Variants in NLRP3 observed in about 807,000 individuals in gnomAD.
NLRP3 encodes NACHT, LRR and PYD domains-containing protein 3.
In NLRP3, 48 loss-of-function variants were observed where a neutral mutation model predicts 91.3. That is an observed-to-expected ratio of 0.53 (90% confidence interval 0.42 to 0.67). The LOEUF (loss-of-function observed/expected upper bound fraction) is 0.67. Among genes scored for constraint, NLRP3 ranks in the 30% least tolerant of loss-of-function variants. NLRP3 has a pLI of 0.00. For missense variants in NLRP3, 982 were observed against 1,276.9 expected, an observed-to-expected ratio of 0.77 and a Z score of 3.52; for synonymous variants, 561 against 507.9, an observed-to-expected ratio of 1.10 and a Z score of -1.41.
rs537363022 is a variant in NLRP3, at chr1:247,437,090, C to A, written c.2663+950C>A. ...CAAGCCACTGCCTTAATTCCCAGTG[C>A]ATTGCCTTAGGAGATGTTGCTAATG... is the stretch of plus-strand genomic sequence containing the variant. On this transcript the variant is annotated intron_variant, in intron 7 of 9. Transcript: ENST00000336119. 4.9e-4 allele frequency among the ~76,000 whole-genome samples: 74 copies of A among 152,338 alleles called. 1 individual carries two copies. Among genetic ancestry groups the A allele is most frequent in the African/African-American group, 1.8e-3 (73 of 41,580 alleles).
chr1:247,425,668 T>A lies in NLRP3; in HGVS notation c.2150+69T>A. ...CAGCTTCTTCTTGGCGCTTGCCTCC[T>A]CTCATCTCTTTTCAACTATCTTCCA... On this transcript the variant is annotated intron_variant, in intron 4 of 9. Coordinates refer to ENST00000336119, the MANE Select transcript of NLRP3 (RefSeq NM_001243133.2). The surrounding 1 kb of genome is among the most constrained non-coding windows in gnomAD (Gnocchi z 4.1). 7.0e-7 allele frequency: 1 copy of A among 1,429,610 alleles called. No homozygotes were observed. The highest frequency in any genetic ancestry group is 2.3e-5 in the East Asian group (1 of 43,944). 88.6% of individuals were successfully genotyped at this position (1,429,610 alleles called of 1,614,324 possible).
chr1:247,426,749 C>G (rs188537589), intron 4 of NLRP3, among the ~76,000 whole-genome samples: 2 of 152,060 alleles, frequency 1.3e-5, no homozygotes, highest in Non-Finnish European at 2.9e-5. Flanking sequence ...TGGGCTCTGA[C>G]AAGGAAACTT....
Position 247,425,343 on chromosome 1 carries a change from T to C in NLRP3, c.1894T>C (p.Leu632=), listed in dbSNP as rs762299624. Residue 632 remains leucine (L), a synonymous_variant, in exon 4 of 10, where the codon TTG becomes CTG. Coordinates refer to ENST00000336119, the MANE Select transcript of NLRP3 (RefSeq NM_001243133.2). The surrounding 1 kb of genome is among the most constrained non-coding windows in gnomAD (Gnocchi z 4.1). ...CAGCCAGCTGGAATTGTTCTACTGT[T>C]TGTACGAGATGCAGGAGGAGGACTT... ...QPSQLELFYC[L]YEMQEEDFVQ... 7.4e-6 allele frequency: 12 copies of C among 1,614,014 alleles called. No homozygotes were observed. Among genetic ancestry groups the C allele is most frequent in the Non-Finnish European group, 1.0e-5 (12 of 1,180,026 alleles).
chr1:247,417,172 G>A (rs1255847867), intron 1 of NLRP3, among the ~76,000 whole-genome samples: 2 of 152,122 alleles, frequency 1.3e-5, no homozygotes, highest in Non-Finnish European at 2.9e-5. Flanking sequence ...TGTTGTCTTT[G>A]TCTTTGTCTG....
chr1:247,446,228 T>TC (rs1177267090), intron 9 of NLRP3, among the ~76,000 whole-genome samples: 3 of 152,206 alleles, frequency 2.0e-5, no homozygotes, highest in Admixed American at 2.0e-4. Context: ...CACGGCTTCT[T>TC]CCTTGGCTCA....
chr1:247,420,679 G>T (rs1193477042), intron 2 of NLRP3, among the ~76,000 whole-genome samples: 1 of 152,026 alleles, frequency 6.6e-6, no homozygotes, highest in Non-Finnish European at 1.5e-5. Context: ...ATTGCACCAC[G>T]GCACTCCAGC....
At chr1:247,443,793 C>T in intron 7 of NLRP3, 179 bp from the exon 8 acceptor site, 1 of 658,080 alleles carries the variant, frequency 1.5e-6, no homozygotes, top group Non-Finnish European at 2.7e-6. Flanking sequence ...ATTTGTGTCT[C>T]CTGTGACAGC....
At chr1:247,435,078 C>T (rs1185392151) in intron 6 of NLRP3, among the ~76,000 whole-genome samples, 1 of 152,060 alleles carries the variant, frequency 6.6e-6, no homozygotes, top group East Asian at 1.9e-4. Context: ...ATAGTAAAAC[C>T]TTGTCTCTAC....
rs1572164273 is a variant in NLRP3 at position 247,422,958 on chromosome 1, T to C, written c.278-272T>C. Among the ~76,000 whole-genome samples, 4 of 152,218 alleles carry C rather than the reference T, an allele frequency of 2.6e-5. No individual in the cohort carries two copies. The East Asian group carries it at 7.7e-4, about 29-fold the overall frequency. ...TAGCCTGCTTCGCATGTTTGCTGATTGATTTCCAGGCCTGAGGAAGAGATT... is the reference window on the plus strand; with the variant it reads ...TAGCCTGCTTCGCATGTTTGCTGATCGATTTCCAGGCCTGAGGAAGAGATT... On this transcript the variant is annotated intron_variant, in intron 2 of 9. Transcript: ENST00000336119.
At chr1:247,436,481 A>G (rs1164913549) in intron 7 of NLRP3, among the ~76,000 whole-genome samples, 2 of 152,192 alleles carry the variant, frequency 1.3e-5, no homozygotes, top group Non-Finnish European at 2.9e-5. Context: ...CATGCAAGTT[A>G]TCGCATAGTG....
Position 247,443,973 on chromosome 1 carries a change from T to C in NLRP3, c.2665T>C (p.Leu889=), listed in dbSNP as rs781559785. The C allele has an allele frequency of 1.2e-6, 2 of 1,614,000 alleles. No homozygotes were observed. Among genetic ancestry groups the C allele is most frequent in the Non-Finnish European group, 1.7e-6 (2 of 1,179,946 alleles). Residue 889 remains leucine (L), a splice_region_variant and synonymous_variant, in exon 8 of 10, where the codon TTG becomes CTG. Coordinates refer to ENST00000336119, the MANE Select transcript of NLRP3 (RefSeq NM_001243133.2). ...ACTCTTCTCCCTGTCCTTCTACAGG[T>C]TGGTGAATTCTGGCCTTACGTCAGT... ...NPQCNLQKLG[L]VNSGLTSVCC...
intron 9 of NLRP3, among the ~76,000 whole-genome samples, chr1:247,445,714 C>T (rs1664543243): frequency 6.6e-6 from 1 of 152,152 alleles, no homozygotes; most frequent in African/African-American, 2.4e-5. Context: ...CACTGCTTGG[C>T]TTTAAGGCCA....
intron 9 of NLRP3, among the ~76,000 whole-genome samples, chr1:247,445,729 G>A (rs974833848): frequency 5.3e-5 from 8 of 152,234 alleles, no homozygotes; most frequent in African/African-American, 1.7e-4. Context: ...AGGCCAACAT[G>A]CTCTCCTGGG....
rs760653458 is a variant in NLRP3, at chr1:247,424,821, C to A, written c.1372C>A (p.His458Asn). Residue 458 changes from histidine (H) to asparagine (N), a missense_variant, in exon 4 of 10, where the codon CAC (histidine) becomes AAC (asparagine). Coordinates refer to ENST00000336119, the MANE Select transcript of NLRP3 (RefSeq NM_001243133.2). The surrounding 1 kb of genome is among the most constrained non-coding windows in gnomAD (Gnocchi z 8.1). ...GCAGCCCCGGGGAGGGAGCCAGGAG[C>A]ACGGCCTCTGCGCCCACCTCTGGGG... ...LLQPRGGSQE[H>N]GLCAHLWGLC... The A allele has an allele frequency of 6.2e-7, 1 of 1,608,188 alleles. No homozygotes were observed. The highest frequency in any genetic ancestry group is 8.5e-7 in the Non-Finnish European group (1 of 1,180,002).
chr1:247,440,078 G>GGTTAGGCATAGCCTGTGT (rs1664098088), intron 7 of NLRP3, among the ~76,000 whole-genome samples: 7 of 151,398 alleles, frequency 4.6e-5, no homozygotes, highest in South Asian at 2.1e-4. Context: ...ATAGCCTATG[G>GGTTAGGCATAGCCTGTGT]GTTAGGTATA....
chr1:247,437,126 A>G (rs957506570), intron 7 of NLRP3, among the ~76,000 whole-genome samples: 5 of 152,192 alleles, frequency 3.3e-5, no homozygotes, highest in African/African-American at 1.2e-4. Context: ...GGCTCTCTAC[A>G]GGGCTTCTTC....
intron 6 of NLRP3, 101 bp from the exon 7 acceptor site, chr1:247,435,869 G>A: frequency 9.3e-7 from 1 of 1,076,574 alleles, no homozygotes; most frequent in Admixed American, 1.7e-5. Flanking sequence ...CCCTTTCCAT[G>A]TGTAAACTGG....
chr1:247,418,666 G>A lies in NLRP3; in HGVS notation c.-135G>A. 2.7e-6 allele frequency: 3 copies of A among 1,124,586 alleles called. No homozygotes were observed. The highest frequency in any genetic ancestry group is 3.9e-6 in the Non-Finnish European group (3 of 775,792). 69.7% of individuals were successfully genotyped at this position (1,124,586 alleles called of 1,614,324 possible). On this transcript the variant is annotated 5_prime_UTR_variant, in exon 2 of 10. Transcript: ENST00000336119. ...AGTCATGTGACATTTTTTTCTTTCT[G>A]TTTGCTGAGTTTTTGATAATTTATA...
chr1:247,427,770 C>T (rs557972287), intron 4 of NLRP3, among the ~76,000 whole-genome samples: 2 of 66,042 alleles, frequency 3.0e-5, no homozygotes, highest in Non-Finnish European at 6.2e-5. Flanking sequence ...ACTGAAGCCC[C>T]GGTAGGAGGC....
Sources: allele counts gnomAD v4.1 joint callset (sites outside exome capture counted in the v4.1 genomes callset), GRCh38; gene constraint gnomAD v4.1.1; non-coding constraint Gnocchi (gnomAD v3.1); transcripts MANE v1.5; gene names NCBI Gene and HGNC (gene_info 2026-07-23, HGNC 2026-07-21).